The following SPMAP2L variants were observed in gnomAD, a reference collection of about 807,000 sequenced individuals.
The protein encoded by SPMAP2L is sperm microtubule associated protein 2-like.
chr4:56,568,837 A>G, the SPMAP2L span, among the ~76,000 whole-genome samples: 1 of 152,280 alleles, frequency 6.6e-6, no homozygotes, highest in Non-Finnish European at 1.5e-5. Context: ...TCCAAGCCCT[A>G]AGTAACCACT....
the SPMAP2L span, chr4:56,594,707 A>G: frequency 1.4e-6 from 2 of 1,388,390 alleles, no homozygotes; most frequent in Admixed American, 3.3e-5. Context: ...CCTCAAGGCC[A>G]TGGTGGATAA....
the SPMAP2L span, among the ~76,000 whole-genome samples, chr4:56,583,291 G>GA: frequency 0.13 from 18,120 of 144,610 alleles, 1,219 homozygotes; most frequent in East Asian, 0.22. Flanking sequence ...AAAATAAAAG[G>GA]AAAAAAAAAA....
the SPMAP2L span, among the ~76,000 whole-genome samples, chr4:56,532,330 T>C: frequency 6.6e-6 from 1 of 152,074 alleles, no homozygotes; most frequent in Non-Finnish European, 1.5e-5. Context: ...TCTGTACCCA[T>C]GAATTCTGCC....
At chr4:56,592,311 C>G in the SPMAP2L span, among the ~76,000 whole-genome samples, 2 of 152,156 alleles carry the variant, frequency 1.3e-5, no homozygotes, top group Non-Finnish European at 2.9e-5. Flanking sequence ...GGTTGGGGAC[C>G]GCTGCTTTAT....
chr4:56,592,407 C>T, the SPMAP2L span, among the ~76,000 whole-genome samples: 1 of 152,232 alleles, frequency 6.6e-6, no homozygotes, highest in Non-Finnish European at 1.5e-5. Context: ...TTTGCTATTG[C>T]CTCAATGTCT....
At chr4:56,537,952 C>A in the SPMAP2L span, among the ~76,000 whole-genome samples, 1 of 152,132 alleles carries the variant, frequency 6.6e-6, no homozygotes, top group Admixed American at 6.5e-5. Context: ...CTCGGCCCCC[C>A]AAAGTGCTGG....
the SPMAP2L span, chr4:56,575,655 G>T: frequency 2.0e-6 from 3 of 1,534,004 alleles, no homozygotes; most frequent in South Asian, 1.2e-5. Flanking sequence ...AGAGTATCTT[G>T]AGAATCTCTG....
the SPMAP2L span, among the ~76,000 whole-genome samples, chr4:56,549,082 G>T: frequency 1.3e-5 from 2 of 149,788 alleles, no homozygotes; most frequent in Non-Finnish European, 1.5e-5. Flanking sequence ...TCTGCCTCCC[G>T]GGTTCAAGTG....
At chr4:56,554,359 G>C in the SPMAP2L span, among the ~76,000 whole-genome samples, 1 of 152,146 alleles carries the variant, frequency 6.6e-6, no homozygotes, top group Non-Finnish European at 1.5e-5. Flanking sequence ...TGGTGTCAGT[G>C]TTTGGATTTT....
the SPMAP2L span, chr4:56,600,952 A>C: frequency 1.3e-6 from 2 of 1,534,020 alleles, no homozygotes; most frequent in South Asian, 2.4e-5. Context: ...TGCTGCCATG[A>C]TAGCTAAACC....
the SPMAP2L span, chr4:56,531,103 G>T: frequency 6.5e-7 from 1 of 1,535,448 alleles, no homozygotes. Flanking sequence ...TCCCAGCGCC[G>T]CAGTAATGAT....
At chr4:56,542,240 T>C in the SPMAP2L span, among the ~76,000 whole-genome samples, 3 of 152,236 alleles carry the variant, frequency 2.0e-5, no homozygotes. Flanking sequence ...TTTTACTATC[T>C]TCCCACATTT....
the SPMAP2L span, among the ~76,000 whole-genome samples, chr4:56,612,816 C>T: frequency 6.6e-6 from 1 of 152,068 alleles, no homozygotes. Context: ...ATCTGCCCAC[C>T]TCGGCCTCCC....
the SPMAP2L span, among the ~76,000 whole-genome samples, chr4:56,559,835 G>T: frequency 2.0e-5 from 3 of 152,152 alleles, no homozygotes; most frequent in Non-Finnish European, 2.9e-5. Flanking sequence ...CCAAAGTGCT[G>T]GGATTACAGG....
At chr4:56,545,549 G>T in the SPMAP2L span, among the ~76,000 whole-genome samples, 1 of 151,906 alleles carries the variant, frequency 6.6e-6, no homozygotes, top group African/African-American at 2.4e-5. Flanking sequence ...ACCATAGTGA[G>T]ACCCTGTCTA....
At chr4:56,535,719 T>C in the SPMAP2L span, among the ~76,000 whole-genome samples, 3 of 152,166 alleles carry the variant, frequency 2.0e-5, no homozygotes, top group Admixed American at 2.0e-4. Flanking sequence ...GCTGGGTTCT[T>C]GTCTTGCACC....
the SPMAP2L span, chr4:56,594,467 G>A: frequency 6.2e-7 from 1 of 1,606,028 alleles, no homozygotes; most frequent in Non-Finnish European, 8.5e-7. Context: ...GGATTTGTGT[G>A]AACTCACAGG....
chr4:56,620,547 A>C, the SPMAP2L span, among the ~76,000 whole-genome samples: 1 of 152,032 alleles, frequency 6.6e-6, no homozygotes, highest in South Asian at 2.1e-4. Context: ...CATCATGTCC[A>C]GCTAATTTTG....
the SPMAP2L span, among the ~76,000 whole-genome samples, chr4:56,615,584 T>G: frequency 1.3e-5 from 2 of 151,874 alleles, no homozygotes; most frequent in African/African-American, 4.8e-5. Context: ...CCGTCTCTAC[T>G]AAAAAATACA....
Sources: gnomAD v4.1 joint callset for allele counts (sites outside exome capture counted in the v4.1 genomes callset) on GRCh38, gnomAD v4.1.1 for gene constraint, MANE v1.5 for transcripts, NCBI Gene and HGNC (gene_info 2026-07-23, HGNC 2026-07-21) for gene names.